COLEC10: variants seen among roughly 807,000 people sequenced by gnomAD.
COLEC10 encodes collectin-10.
In COLEC10, 22 loss-of-function variants were observed where a neutral mutation model predicts 28.4. The ratio of observed to expected loss-of-function variants is 0.78; its 90% CI spans 0.55 to 1.11. The LOEUF (loss-of-function observed/expected upper bound fraction) is 1.11. Among genes scored for constraint, COLEC10 ranks in the 50% least tolerant of loss-of-function variants. COLEC10 has a pLI of 0.00. For missense variants in COLEC10, 361 were observed against 344.1 expected (o/e 1.05, Z -0.39); for synonymous variants, 125 against 116.1 (o/e 1.08, Z -0.49).
intron 2 of COLEC10, among the ~76,000 whole-genome samples, chr8:119,053,847 A>T (rs1050442581): frequency 9.2e-5 from 14 of 152,012 alleles, no homozygotes; most frequent in African/African-American, 3.4e-4. Flanking sequence ...TTCCAATTGG[A>T]TACTTGAAAC....
intron 2 of COLEC10, among the ~76,000 whole-genome samples, chr8:119,058,125 C>A (rs937112504): frequency 1.6e-4 from 25 of 152,028 alleles, no homozygotes; most frequent in Admixed American, 6.6e-5. Flanking sequence ...TCTACAAGGA[C>A]TTCTCTCCAA....
the COLEC10 span, among the ~76,000 whole-genome samples, chr8:118,985,263 G>A: frequency 6.6e-6 from 1 of 152,050 alleles, no homozygotes; most frequent in South Asian, 2.1e-4. Flanking sequence ...GTAGTCATTT[G>A]ATAATTTGAA....
chr8:119,074,395 T>C (rs1815184965), intron 1 of COLEC10, among the ~76,000 whole-genome samples: 1 of 152,126 alleles, frequency 6.6e-6, no homozygotes, highest in South Asian at 2.1e-4. Flanking sequence ...ATGCACCCCA[T>C]AAATGTATAC....
chr8:119,007,645 G>A (rs752694377), intron 1 of COLEC10, among the ~76,000 whole-genome samples: 22 of 151,054 alleles, frequency 1.5e-4, no homozygotes, highest in East Asian at 3.9e-4. Context: ...GTAATTAAGC[G>A]CAGGGAAGTC....
intron 1 of COLEC10, among the ~76,000 whole-genome samples, chr8:119,005,499 T>C (rs1454860536): frequency 6.6e-6 from 1 of 152,114 alleles, no homozygotes; most frequent in Non-Finnish European, 1.5e-5. Flanking sequence ...GGTAGGATGT[T>C]CATATGCATG....
chr8:119,020,551 TTAG>T (rs1442949073), intron 2 of COLEC10, among the ~76,000 whole-genome samples: 1 of 152,266 alleles, frequency 6.6e-6, no homozygotes, highest in Middle Eastern at 3.4e-3. Flanking sequence ...AGAGTCAAGC[TTAG>T]TAGTATCCCG....
chr8:118,981,665 A>G, the COLEC10 span, among the ~76,000 whole-genome samples: 1 of 152,106 alleles, frequency 6.6e-6, no homozygotes, highest in East Asian at 1.9e-4. Context: ...ATTTGAAACT[A>G]AAGTTACTTT....
intron 2 of COLEC10, among the ~76,000 whole-genome samples, chr8:119,020,000 C>G (rs1034659712): frequency 1.3e-5 from 2 of 152,188 alleles, no homozygotes; most frequent in African/African-American, 4.8e-5. Context: ...TTCTCTCACA[C>G]AAGGTCCAGA....
chr8:118,998,919 C>T (rs1306311295), intron 1 of COLEC10, among the ~76,000 whole-genome samples: 1 of 151,044 alleles, frequency 6.6e-6, no homozygotes, highest in Non-Finnish European at 1.5e-5. Flanking sequence ...AATAGCCCAT[C>T]GCTATTACAA....
chr8:118,958,137 A>C, the COLEC10 span, among the ~76,000 whole-genome samples: 1 of 152,182 alleles, frequency 6.6e-6, no homozygotes, highest in Non-Finnish European at 1.5e-5. Flanking sequence ...GCTCCAGAGG[A>C]ATATGAACAA....
At chr8:118,965,513 G>A in the COLEC10 span, among the ~76,000 whole-genome samples, 3 of 151,912 alleles carry the variant, frequency 2.0e-5, no homozygotes, top group African/African-American at 4.8e-5. Flanking sequence ...AAGATTCCTG[G>A]TAGGTTCTGG....
intron 2 of COLEC10, among the ~76,000 whole-genome samples, chr8:119,052,826 G>T (rs116127700): frequency 6.6e-6 from 1 of 152,072 alleles, no homozygotes; most frequent in Non-Finnish European, 1.5e-5. Context: ...AACAAATTTA[G>T]TTGAAGGCAA....
chr8:118,973,977 C>T, the COLEC10 span, among the ~76,000 whole-genome samples: 1 of 151,854 alleles, frequency 6.6e-6, no homozygotes, highest in Non-Finnish European at 1.5e-5. Context: ...ACCCACCTGG[C>T]CCTGTCCCAT....
chr8:119,014,276 AT>A (rs1383515325), intron 2 of COLEC10, among the ~76,000 whole-genome samples: 1 of 149,344 alleles, frequency 6.7e-6, no homozygotes, highest in Non-Finnish European at 1.5e-5. Context: ...AATTCCTTCA[AT>A]TTTTTTGTTC....
chr8:119,079,636 G>A (rs555963767), intron 1 of COLEC10, among the ~76,000 whole-genome samples: 128 of 107,802 alleles, frequency 1.2e-3, no homozygotes, highest in Admixed American at 1.7e-3. Context: ...ACTCAGACAT[G>A]CAATGACTGC....
chr8:119,043,030 T>TAC (rs1814525650), intron 2 of COLEC10, among the ~76,000 whole-genome samples: 1 of 152,174 alleles, frequency 6.6e-6, no homozygotes, highest in East Asian at 1.9e-4. Context: ...TTGAGGAACT[T>TAC]TGGAAATGTT....
the COLEC10 span, among the ~76,000 whole-genome samples, chr8:118,968,724 T>C: frequency 6.6e-6 from 1 of 151,928 alleles, no homozygotes; most frequent in Non-Finnish European, 1.5e-5. Flanking sequence ...ACTGCACCCA[T>C]CAACCCATCA....
intron 2 of COLEC10, among the ~76,000 whole-genome samples, chr8:119,062,173 T>C (rs1814867301): frequency 6.6e-6 from 1 of 151,924 alleles, no homozygotes; most frequent in African/African-American, 2.4e-5. Flanking sequence ...GTTACTAGGA[T>C]TAAAAGAAGG....
chr8:119,104,600 G>T (rs938641226), intron 5 of COLEC10, among the ~76,000 whole-genome samples: 6 of 152,088 alleles, frequency 3.9e-5, no homozygotes, highest in African/African-American at 7.2e-5. Context: ...TATAATTACA[G>T]TTAAAATTGG....
Sources: gnomAD v4.1 joint callset for allele counts (sites outside exome capture counted in the v4.1 genomes callset) on GRCh38, gnomAD v4.1.1 for gene constraint, MANE v1.5 for transcripts, NCBI Gene and HGNC (gene_info 2026-07-23, HGNC 2026-07-21) for gene names.